The following FPGS variants were observed in gnomAD, a reference collection of about 807,000 sequenced individuals.
The protein encoded by FPGS is folylpolyglutamate synthase, mitochondrial.
Under a neutral mutation model 66.5 loss-of-function variants are expected in FPGS, and 53 were observed. The ratio of observed to expected loss-of-function variants is 0.80; its 90% CI spans 0.64 to 1.00. FPGS has a LOEUF of 1.00. Among genes scored for constraint, FPGS ranks in the 50% least tolerant of loss-of-function variants. The probability of loss-of-function intolerance (pLI) is 0.00; values close to 1 mark genes in which losing one functional copy is unlikely to be tolerated. For missense variants in FPGS, 702 were observed against 807.7 expected, an observed-to-expected ratio of 0.87 and a Z score of 1.59; for synonymous variants, 348 against 350.9, an observed-to-expected ratio of 0.99 and a Z score of 0.09.
intron 4 of FPGS, 133 bp downstream of exon 4, chr9:127,804,833 T>G: frequency 1.2e-6 from 1 of 810,896 alleles, no homozygotes; most frequent in Non-Finnish European, 2.1e-6. Context: ...TGTTTATTCA[T>G]TCAATAAACA....
intron 14 of FPGS, 39 bp from the exon 15 acceptor site, chr9:127,813,155 CT>C: frequency 6.6e-7 from 1 of 1,526,286 alleles, no homozygotes; most frequent in Non-Finnish European, 8.8e-7. Context: ...CCCTTACTCC[CT>C]CTCCCCTTCG....
chr9:127,808,341 G>C, intron 9 of FPGS, 30 bp downstream of exon 9: 1 of 1,597,970 alleles, frequency 6.3e-7, no homozygotes, highest in South Asian at 1.1e-5. Flanking sequence ...GGCAGCGGCA[G>C]GGTGGGTTTG....
chr9:127,809,676 TC>T lies in FPGS; in HGVS notation c.1061-3del. The T allele has an allele frequency of 1.3e-6, 2 of 1,580,766 alleles. No homozygotes were observed. The highest frequency in any genetic ancestry group is 1.8e-5 in the Admixed American group (1 of 56,608). On this transcript the variant is annotated splice_region_variant and splice_polypyrimidine_tract_variant and intron_variant, in intron 11 of 14. Coordinates refer to ENST00000373247, the MANE Select transcript of FPGS (RefSeq NM_004957.6). ...GGCCTGGAGGACTGCCTTGCTGCCC[TC>T]CCCCAGGGCTTCGGAACACGGAGTG...
intron 11 of FPGS, 117 bp from the exon 12 acceptor site, chr9:127,809,567 C>T: frequency 3.9e-6 from 4 of 1,015,136 alleles, no homozygotes; most frequent in Non-Finnish European, 5.4e-6. Flanking sequence ...CTGCCGGGGT[C>T]CTGAGTGTTG....
At chr9:127,803,694 G>C (rs1477632961) in intron 1 of FPGS, among the ~76,000 whole-genome samples, 1 of 152,108 alleles carries the variant, frequency 6.6e-6, no homozygotes, top group African/African-American at 2.4e-5. Context: ...GGGAGGCACG[G>C]AATATGAGGC....
At chr9:127,804,154 C>A in intron 1 of FPGS, 131 bp from the exon 2 acceptor site, 1 of 1,180,048 alleles carries the variant, frequency 8.5e-7, no homozygotes, top group Non-Finnish European at 1.2e-6. Context: ...GCTAGGCTAA[C>A]AGTGCTGGCA....
In FPGS at chr9:127,813,352, C is replaced by T. The variant is rs374531817; in HGVS notation, c.1512C>T (p.Pro504=). The T allele has an allele frequency of 6.2e-7, 1 of 1,612,740 alleles. No homozygotes were observed. Among genetic ancestry groups the T allele is most frequent in the Non-Finnish European group, 8.5e-7 (1 of 1,179,560 alleles). ...PGGSASLLLA[P]HPPHTCSASS... The stretch of plus-strand genomic sequence containing the variant: ...GGTCCGCATCCCTGCTTCTGGCGCC[C>T]CACCCACCCCACACCTGCAGTGCCA... The change falls in exon 15 of 15, where the codon CCC becomes CCT. Residue 504 remains proline, a synonymous_variant. Transcript: ENST00000373247.
rs1829910020 is a variant in FPGS, at chr9:127,808,417, G to GA, written c.822+107dup. ...TCAGTTTGCCCATCTGTGCAGTGAG[G>GA]ACGCTGGGCCAGCTGCCAGGCCTGC... On this transcript the variant is annotated intron_variant, in intron 9 of 14. Transcript: ENST00000373247. The GA allele has an allele frequency of 2.7e-6, 4 of 1,489,500 alleles. No individual in the cohort carries two copies. In the Admixed American group the frequency reaches 6.9e-5, roughly 26 times the overall value. 92.3% of individuals were successfully genotyped at this position (1,489,500 alleles called of 1,614,324 possible).
At chr9:127,808,993 A>G (rs1182346189) in intron 11 of FPGS, 104 bp downstream of exon 11, 1 of 871,886 alleles carries the variant, frequency 1.1e-6, no homozygotes, top group Admixed American at 2.8e-5. Flanking sequence ...GATAAGAGAC[A>G]ATTTGAAGTG....
intron 1 of FPGS, among the ~76,000 whole-genome samples, chr9:127,803,972 G>A (rs1829710880): frequency 6.6e-6 from 1 of 152,238 alleles, no homozygotes; most frequent in Non-Finnish European, 1.5e-5. Context: ...TGGAGAGAAT[G>A]AGGGCAAAGG....
intron 11 of FPGS, 31 bp downstream of exon 11, chr9:127,808,920 C>T: frequency 6.8e-7 from 1 of 1,477,924 alleles, no homozygotes; most frequent in Non-Finnish European, 9.2e-7. Context: ...CAGCTGGGAC[C>T]ACTGCGTGTG....
intron 14 of FPGS, 136 bp downstream of exon 14, chr9:127,811,147 C>T: frequency 4.5e-6 from 2 of 440,572 alleles, no homozygotes; most frequent in Non-Finnish European, 4.1e-6. Context: ...TACTTATACT[C>T]TTTTATACAC....
In FPGS at chr9:127,809,820, C is replaced by A. The variant is rs777233863; in HGVS notation, c.1197C>A (p.Arg399=). The A allele has an allele frequency of 5.0e-6, 7 of 1,391,240 alleles. No individual in the cohort carries two copies. Among genetic ancestry groups the A allele is most frequent in the South Asian group, 1.4e-5 (1 of 70,168 alleles). The allele number at this position is 1,391,240 out of a possible 1,614,324, so 86.2% of individuals were successfully genotyped here. A position where few individuals can be genotyped will look rare whatever the true frequency, so the allele number is the denominator to read the frequency against. The stretch of plus-strand genomic sequence containing the variant: ...GGTTCCGCCAGGCGCTGCAGGGCCG[C>A]GAGAGGCCGAGCGGGTGAGGGGCAG... ...VRWFRQALQG[R]ERPSGGPEVR... Residue 399 remains arginine (R), a synonymous_variant, in exon 12 of 15, where the codon CGC becomes CGA. Transcript: ENST00000373247.
Position 127,807,698 on chromosome 9 carries a change from C to G in FPGS, c.744+10C>G. On this transcript the variant is annotated intron_variant, in intron 8 of 14. Coordinates refer to ENST00000373247, the MANE Select transcript of FPGS (RefSeq NM_004957.6). This position sits in a 1 kb window ranked among gnomAD's most constrained non-coding sequence, Gnocchi z 5.8. ...AGGGGGCATCTTTAAGGTGACCAGG[C>G]AGACTGGGGGAAGGGAGAGACATGG... is the stretch of plus-strand genomic sequence containing the variant. 6.5e-7 allele frequency: 1 copy of G among 1,544,554 alleles called. No homozygotes were observed. The highest frequency in any genetic ancestry group is 8.8e-7 in the Non-Finnish European group (1 of 1,139,540).
At position 127,814,069 on chromosome 9, in the gene FPGS, A is replaced by C. The variant is rs1308405298; in HGVS notation, c.*465A>C. The C allele has an allele frequency of 1.0e-6, 1 of 989,554 alleles. No individual in the cohort carries two copies. The highest frequency in any genetic ancestry group is 1.2e-6 in the Non-Finnish European group (1 of 832,930). 61.3% of individuals were successfully genotyped at this position (989,554 alleles called of 1,614,324 possible). Reference sequence around the variant, plus strand: ...CCTTTGTTTTTTAAAGAAATGGCAAAGCCTTCGACTGACCCTTGACCCCCT... The same window carrying C: ...CCTTTGTTTTTTAAAGAAATGGCAACGCCTTCGACTGACCCTTGACCCCCT... On this transcript the variant is annotated 3_prime_UTR_variant, in exon 15 of 15. Coordinates refer to ENST00000373247, the MANE Select transcript of FPGS (RefSeq NM_004957.6).
chr9:127,813,211 A>G lies in FPGS; in HGVS notation c.1371A>G (p.Thr457=), dbSNP rs1830160123. Residue 457 remains threonine, a synonymous_variant, in exon 15 of 15, where the codon ACA becomes ACG. Coordinates refer to ENST00000373247, the MANE Select transcript of FPGS (RefSeq NM_004957.6). ...STGNADQQNF[T]VTLDQVLLRC... ...GCCCCACAGACCAACAGAACTTCAC[A>G]GTGACACTGGACCAGGTCCTGCTCC... The G allele has an allele frequency of 3.8e-6, 6 of 1,585,768 alleles. No individual in the cohort carries two copies. The highest frequency in any genetic ancestry group is 1.7e-5 in the Admixed American group (1 of 57,528).
In FPGS at chr9:127,811,903, T is replaced by C. The variant is rs982252895; in HGVS notation, c.1354+892T>C. Among the ~76,000 whole-genome samples the C allele has an allele frequency of 3.0e-4, 45 of 152,288 alleles. 1 individual carries two copies. The Middle Eastern group carries it at 0.017, about 58-fold the overall frequency. ...TCTGTTCCAGGCATATGTATAAGTA[T>C]GTGAGTACTGAGTTGCAGTGTAAAA... On this transcript the variant is annotated intron_variant, in intron 14 of 14. Transcript: ENST00000373247.
Position 127,810,926 on chromosome 9 carries a change from C to G in FPGS, c.1288-19C>G, listed in dbSNP as rs143841164. The stretch of plus-strand genomic sequence containing the variant: ...TCCTTTCGGGGGTCTGACACCAAGT[C>G]TTTCCCTTGGCCTTCTAGCCCTGCC... On this transcript the variant is annotated intron_variant, in intron 13 of 14. Transcript: ENST00000373247. 9.0e-5 allele frequency: 135 copies of G among 1,496,358 alleles called. 2 individuals are homozygous for G. In the African/African-American group the frequency reaches 1.6e-3, roughly 18 times the overall value. The allele number at this position is 1,496,358 out of a possible 1,614,324, so 92.7% of individuals were successfully genotyped here.
Position 127,808,790 on chromosome 9 carries a change from C to T in FPGS, c.971-10C>T, listed in dbSNP as rs377007110. On this transcript the variant is annotated splice_polypyrimidine_tract_variant and intron_variant, in intron 10 of 14. Coordinates refer to ENST00000373247, the MANE Select transcript of FPGS (RefSeq NM_004957.6). ...GGTCCCGGACACACTTGGTCTCACA[C>T]ACCCCGCAGGTGCTGGGGAGCCAAA... is the stretch of plus-strand genomic sequence containing the variant. 22 of 1,556,146 alleles carry T rather than the reference C, an allele frequency of 1.4e-5. No homozygotes were observed. Among genetic ancestry groups the T allele is most frequent in the Admixed American group, 1.9e-5 (1 of 51,520 alleles).
Sources: gnomAD v4.1 joint callset for allele counts (sites outside exome capture counted in the v4.1 genomes callset) on GRCh38, gnomAD v4.1.1 for gene constraint, Gnocchi (gnomAD v3.1) non-coding constraint, MANE v1.5 for transcripts, NCBI Gene and HGNC (gene_info 2026-07-23, HGNC 2026-07-21) for gene names.